The following NEGR1 variants were observed in gnomAD, a reference collection of about 807,000 sequenced individuals.
NEGR1 encodes the protein neuronal growth regulator 1, also known as IgLON family member 4.
Under a neutral mutation model 40.9 loss-of-function variants are expected in NEGR1, and 10 were observed. The ratio of observed to expected loss-of-function variants is 0.24; its 90% CI spans 0.15 to 0.42. The LOEUF (loss-of-function observed/expected upper bound fraction) is 0.42, where lower values mean the gene tolerates loss of function less well. NEGR1 is among the 10% of genes least tolerant of loss of function. NEGR1 has a pLI of 1.00. For synonymous variants in NEGR1, 185 were observed against 166.8 expected, an observed-to-expected ratio of 1.11 and a Z score of -0.84; for missense variants, 352 against 438.9, an observed-to-expected ratio of 0.80 and a Z score of 1.77.
At chr1:71,582,829 G>C (rs1649181745) in intron 6 of NEGR1, among the ~76,000 whole-genome samples, 1 of 152,220 alleles carries the variant, frequency 6.6e-6, no homozygotes, top group Non-Finnish European at 1.5e-5. Flanking sequence ...AGAATTGCCT[G>C]AGTAATTCAA....
chr1:71,604,193 T>C (rs1054854950), intron 5 of NEGR1, among the ~76,000 whole-genome samples: 1 of 152,152 alleles, frequency 6.6e-6, no homozygotes, highest in Non-Finnish European at 1.5e-5. Flanking sequence ...CTCTCTGTCA[T>C]GTAGCACCCC....
intron 1 of NEGR1, among the ~76,000 whole-genome samples, chr1:72,134,041 A>T (rs1424742199): frequency 6.6e-6 from 1 of 152,054 alleles, no homozygotes; most frequent in Non-Finnish European, 1.5e-5. Context: ...CACTTTAAGT[A>T]CTAAATAATT....
intron 2 of NEGR1, among the ~76,000 whole-genome samples, chr1:71,881,930 C>T (rs1212854962): frequency 1.3e-5 from 2 of 152,060 alleles, no homozygotes; most frequent in Non-Finnish European, 2.9e-5. Flanking sequence ...ACTGGTTGAC[C>T]TCTGTAATCT....
chr1:71,850,445 A>C (rs1385993301), intron 2 of NEGR1, among the ~76,000 whole-genome samples: 1 of 152,002 alleles, frequency 6.6e-6, no homozygotes, highest in Non-Finnish European at 1.5e-5. Context: ...ACGAGCCACC[A>C]CGCCCAGCCA....
chr1:71,416,323 T>C (rs544625461), intron 6 of NEGR1, among the ~76,000 whole-genome samples: 1 of 152,326 alleles, frequency 6.6e-6, no homozygotes, highest in Admixed American at 6.5e-5. Context: ...TTATTCTTTG[T>C]ATCTTTTGTG....
chr1:72,076,622 T>G (rs1461033334), intron 1 of NEGR1, among the ~76,000 whole-genome samples: 1 of 151,944 alleles, frequency 6.6e-6, no homozygotes, highest in Non-Finnish European at 1.5e-5. Flanking sequence ...TGAGCCAATT[T>G]CTACGATAAT....
At chr1:72,204,502 G>A (rs1653327942) in intron 1 of NEGR1, among the ~76,000 whole-genome samples, 1 of 152,136 alleles carries the variant, frequency 6.6e-6, no homozygotes, top group Non-Finnish European at 1.5e-5. Context: ...AAGCAGTGAT[G>A]TTTGAAAAGT....
intron 2 of NEGR1, among the ~76,000 whole-genome samples, chr1:71,868,154 A>C (rs995397944): frequency 6.6e-6 from 1 of 152,126 alleles, no homozygotes; most frequent in Middle Eastern, 3.2e-3. Flanking sequence ...AGAAATATAA[A>C]TCTCTCCAGC....
At chr1:72,268,551 T>C (rs1655731288) in intron 1 of NEGR1, among the ~76,000 whole-genome samples, 1 of 151,386 alleles carries the variant, frequency 6.6e-6, no homozygotes, top group African/African-American at 2.4e-5. Context: ...GTGGATAGCA[T>C]ACTACAGGGA....
At chr1:71,869,883 C>CT (rs140029802) in intron 2 of NEGR1, among the ~76,000 whole-genome samples, 5,962 of 136,000 alleles carry the variant, frequency 0.044, 221 homozygotes, top group African/African-American at 0.1. Flanking sequence ...TTCTTTCTTT[C>CT]TTTTTTTTTT....
chr1:72,268,180 G>T (rs903400597), intron 1 of NEGR1, among the ~76,000 whole-genome samples: 1 of 151,178 alleles, frequency 6.6e-6, no homozygotes, highest in Non-Finnish European at 1.5e-5. Context: ...AATTTTTCTG[G>T]CCATAAATTA....
At chr1:71,542,760 T>C (rs1159566074) in intron 6 of NEGR1, among the ~76,000 whole-genome samples, 2 of 151,732 alleles carry the variant, frequency 1.3e-5, no homozygotes, top group Non-Finnish European at 3.0e-5. Context: ...GGTGGTATCA[T>C]AATGTCACTC....
At chr1:72,239,912 G>A (rs1475455501) in intron 1 of NEGR1, among the ~76,000 whole-genome samples, 1 of 151,610 alleles carries the variant, frequency 6.6e-6, no homozygotes, top group Non-Finnish European at 1.5e-5. Flanking sequence ...TCTATGAAAT[G>A]GTACAAAGTG....
At chr1:71,929,664 T>A (rs1008854143) in intron 2 of NEGR1, among the ~76,000 whole-genome samples, 35 of 152,172 alleles carry the variant, frequency 2.3e-4, no homozygotes, top group Admixed American at 2.1e-3. Context: ...AAATTTTCAC[T>A]GTTGCAGCAC....
intron 2 of NEGR1, among the ~76,000 whole-genome samples, chr1:71,918,794 C>T (rs1375370608): frequency 6.6e-6 from 1 of 152,078 alleles, no homozygotes; most frequent in Non-Finnish European, 1.5e-5. Flanking sequence ...CTAATATACT[C>T]AAAGCCTGAC....
intron 2 of NEGR1, among the ~76,000 whole-genome samples, chr1:71,905,637 C>T (rs1258995603): frequency 1.3e-5 from 2 of 151,900 alleles, no homozygotes; most frequent in East Asian, 3.9e-4. Context: ...AAAACTTAGC[C>T]TTTTGATTTA....
At chr1:71,730,125 T>G (rs1315583317) in intron 3 of NEGR1, among the ~76,000 whole-genome samples, 1 of 151,292 alleles carries the variant, frequency 6.6e-6, no homozygotes, top group Admixed American at 6.6e-5. Flanking sequence ...TAAAAACTGG[T>G]TTTTACAAGA....
chr1:71,775,925 G>A lies in NEGR1; in HGVS notation c.535+247C>T, dbSNP rs534541188. Among the ~76,000 whole-genome samples the A allele has an allele frequency of 1.9e-4, 29 of 151,578 alleles. No individual in the cohort carries two copies. In the East Asian group the frequency reaches 4.9e-3, roughly 26 times the overall value. ...GGAGAATCGCTTGAACCTGGGAGGC[G>A]GAGGTTGCAGTGAGACCGGTTCGCG... On this transcript the variant is annotated intron_variant, in intron 3 of 6. Transcript: ENST00000357731.
At chr1:71,973,333 A>G (rs1268487638) in intron 1 of NEGR1, among the ~76,000 whole-genome samples, 1 of 151,802 alleles carries the variant, frequency 6.6e-6, no homozygotes, top group African/African-American at 2.4e-5. Context: ...AAAAAAAAAA[A>G]AAAAGAAACA....
Sources: gnomAD v4.1 joint callset for allele counts (sites outside exome capture counted in the v4.1 genomes callset) on GRCh38, gnomAD v4.1.1 for gene constraint, MANE v1.5 for transcripts, NCBI Gene and HGNC (gene_info 2026-07-23, HGNC 2026-07-21) for gene names.